RARB: variants seen among roughly 807,000 people sequenced by gnomAD.
The protein encoded by RARB is retinoic acid receptor beta.
In RARB, 17 loss-of-function variants were observed where a neutral mutation model predicts 51.9. That is an observed-to-expected ratio of 0.33 (90% CI 0.22 to 0.49). RARB has a LOEUF of 0.49. Among genes scored for constraint, RARB ranks in the 20% least tolerant of loss-of-function variants. RARB has a pLI of 0.99. For missense variants in RARB, 369 were observed against 550.8 expected (o/e 0.67, Z 3.30); for synonymous variants, 215 against 195.4 (o/e 1.10, Z -0.84).
intron 5 of RARB, among the ~76,000 whole-genome samples, chr3:25,396,368 C>G (rs535280715): frequency 2.0e-5 from 3 of 152,336 alleles, no homozygotes; most frequent in Admixed American, 2.0e-4. Context: ...GTCATGTGGA[C>G]AGACTCAGGT....
chr3:25,255,542 A>G (rs1468892038), intron 5 of RARB, among the ~76,000 whole-genome samples: 1 of 152,184 alleles, frequency 6.6e-6, no homozygotes, highest in Admixed American at 6.5e-5. Flanking sequence ...ATCATTATGC[A>G]CACTGTAAGT....
intron 5 of RARB, among the ~76,000 whole-genome samples, chr3:25,358,944 T>C (rs1705837044): frequency 6.6e-6 from 1 of 152,126 alleles, no homozygotes; most frequent in African/African-American, 2.4e-5. Context: ...AATTTTCTTT[T>C]TTTTTTTTAA....
At chr3:25,213,852 T>C (rs1019192072) in intron 5 of RARB, among the ~76,000 whole-genome samples, 1 of 152,254 alleles carries the variant, frequency 6.6e-6, no homozygotes, top group Non-Finnish European at 1.5e-5. Context: ...TGGACTCTTA[T>C]GATAAGTTTC....
intron 2 of RARB, among the ~76,000 whole-genome samples, chr3:24,913,595 G>T (rs540815003): frequency 6.6e-6 from 1 of 152,082 alleles, no homozygotes; most frequent in South Asian, 2.1e-4. Context: ...GTTCCTACTT[G>T]TATCTATCTC....
At chr3:25,247,624 C>T (rs2125399848) in intron 5 of RARB, among the ~76,000 whole-genome samples, 1 of 152,322 alleles carries the variant, frequency 6.6e-6, no homozygotes, top group Non-Finnish European at 1.5e-5. Context: ...CCCCACCCTG[C>T]TTCTGCTCAT....
At chr3:25,230,649 TC>T (rs1702156463) in intron 5 of RARB, among the ~76,000 whole-genome samples, 2 of 152,008 alleles carry the variant, frequency 1.3e-5, no homozygotes, top group African/African-American at 2.4e-5. Context: ...GGTTTAATCT[TC>T]CCAGATAGGA....
intron 1 of RARB, among the ~76,000 whole-genome samples, chr3:24,837,689 T>C (rs113200156): frequency 2.0e-5 from 3 of 152,338 alleles, no homozygotes; most frequent in African/African-American, 4.8e-5. Context: ...AATTTTGTTA[T>C]GGCACAGATC....
intron 3 of RARB, among the ~76,000 whole-genome samples, chr3:25,099,240 T>C (rs1259163564): frequency 6.6e-6 from 1 of 152,174 alleles, no homozygotes; most frequent in East Asian, 1.9e-4. Context: ...GGCCCCCTTC[T>C]TACCTTTTCT....
chr3:25,442,116 T>TTTTATTTATTTATTTATTTATTTA (rs148774111), intron 1 of RARB, among the ~76,000 whole-genome samples: 5 of 147,744 alleles, frequency 3.4e-5, no homozygotes, highest in African/African-American at 1.2e-4. Flanking sequence ...TTTATTTTAT[T>TTTTATTTATTTATTTATTTATTTA]TTTATTTATT....
At chr3:24,888,668 G>T (rs1391810887) in intron 2 of RARB, among the ~76,000 whole-genome samples, 2 of 152,154 alleles carry the variant, frequency 1.3e-5, no homozygotes, top group South Asian at 4.1e-4. Context: ...CATAATGTTA[G>T]CTTAGTATTT....
intron 5 of RARB, among the ~76,000 whole-genome samples, chr3:25,191,128 A>G (rs1184055609): frequency 6.6e-6 from 1 of 152,126 alleles, no homozygotes; most frequent in East Asian, 1.9e-4. Flanking sequence ...TCTTTCATGT[A>G]TTAAAAGGGC....
At chr3:24,837,399 T>C (rs544490883) in intron 1 of RARB, among the ~76,000 whole-genome samples, 2 of 152,374 alleles carry the variant, frequency 1.3e-5, no homozygotes, top group East Asian at 1.9e-4. Flanking sequence ...CCCAAATTGA[T>C]GGCTTCTGTA....
At chr3:25,265,349 A>G (rs7646984) in intron 5 of RARB, among the ~76,000 whole-genome samples, 2,894 of 152,352 alleles carry the variant, frequency 0.019, 91 homozygotes, top group African/African-American at 0.062. Context: ...TGATAAATAC[A>G]TACATAATTG....
chr3:25,337,907 T>G (rs1266613123), intron 5 of RARB, among the ~76,000 whole-genome samples: 1 of 152,146 alleles, frequency 6.6e-6, no homozygotes, highest in Non-Finnish European at 1.5e-5. Context: ...GATTAATAAA[T>G]TAATGAATTT....
chr3:25,360,582 C>T (rs1032456577), intron 5 of RARB, among the ~76,000 whole-genome samples: 3 of 152,152 alleles, frequency 2.0e-5, no homozygotes, highest in Admixed American at 2.0e-4. Flanking sequence ...ATGGTCTTTA[C>T]ATTTTGGTTT....
intron 4 of RARB, among the ~76,000 whole-genome samples, chr3:25,166,075 A>T (rs1275578596): frequency 6.6e-6 from 1 of 151,950 alleles, no homozygotes; most frequent in African/African-American, 2.4e-5. Context: ...CGGTGGTCTA[A>T]GACTCCTTTG....
intron 2 of RARB, among the ~76,000 whole-genome samples, chr3:24,965,708 G>A (rs6550928): frequency 2.0e-5 from 3 of 152,098 alleles, no homozygotes; most frequent in East Asian, 1.9e-4. Context: ...ATGAAATGTT[G>A]AGAGGATGCC....
At chr3:25,303,454 G>A (rs1004620952) in intron 5 of RARB, among the ~76,000 whole-genome samples, 1 of 152,102 alleles carries the variant, frequency 6.6e-6, no homozygotes, top group African/African-American at 2.4e-5. Context: ...ATTTTTTTGA[G>A]CTGGTGCAAG....
chr3:25,008,036 C>T (rs372656887), intron 2 of RARB, among the ~76,000 whole-genome samples: 253 of 152,136 alleles, frequency 1.7e-3, no homozygotes, highest in African/African-American at 5.7e-3. Context: ...CTTTTTTTGG[C>T]ACATAAAAAG....
Sources: allele counts gnomAD v4.1 joint callset (sites outside exome capture counted in the v4.1 genomes callset), GRCh38; gene constraint gnomAD v4.1.1; transcripts MANE v1.5; gene names NCBI Gene and HGNC (gene_info 2026-07-23, HGNC 2026-07-21).